Variants in RPA3 observed in about 807,000 individuals in gnomAD.
RPA3 encodes the protein replication protein A 14 kDa subunit.
RPA3 carries 24 observed loss-of-function variants against 13.7 expected under a neutral mutation model. The observed-to-expected ratio is 1.75, with a 90% CI of 1.27 to 2.46. The LOEUF (loss-of-function observed/expected upper bound fraction) is 2.46. Among genes scored for constraint, RPA3 ranks in the 30% most tolerant of loss-of-function variants. RPA3 has a pLI of 0.00. For missense variants in RPA3, 183 were observed against 151.0 expected (o/e 1.21, Z -1.11); for synonymous variants, 59 against 51.2 (o/e 1.15, Z -0.65).
intron 4 of RPA3, among the ~76,000 whole-genome samples, chr7:7,676,956 A>G (rs1022403639): frequency 1.3e-5 from 2 of 152,142 alleles, no homozygotes; most frequent in South Asian, 2.1e-4. Flanking sequence ...CTATACTGAC[A>G]TATATAATAT....
chr7:7,700,522 C>G (rs1359010224), intron 2 of RPA3, among the ~76,000 whole-genome samples: 1 of 152,042 alleles, frequency 6.6e-6, no homozygotes, highest in East Asian at 1.9e-4. Flanking sequence ...GCCATAAGTT[C>G]TAGACCATAC....
At chr7:7,674,920 CT>C (rs1431529443) in intron 4 of RPA3, among the ~76,000 whole-genome samples, 1 of 152,108 alleles carries the variant, frequency 6.6e-6, no homozygotes, top group Non-Finnish European at 1.5e-5. Context: ...GTTTTCCACT[CT>C]GTTATATATT....
At chr7:7,714,093 G>T (rs28912684) in intron 2 of RPA3, among the ~76,000 whole-genome samples, 1 of 152,276 alleles carries the variant, frequency 6.6e-6, no homozygotes, top group South Asian at 2.1e-4. Context: ...TTATCTTTTT[G>T]ATGAAGATTT....
At chr7:7,642,990 G>A (rs1785009430) in intron 4 of RPA3, among the ~76,000 whole-genome samples, 1 of 152,132 alleles carries the variant, frequency 6.6e-6, no homozygotes, top group Non-Finnish European at 1.5e-5. Flanking sequence ...ATTCATCTAT[G>A]TTGACGAATG....
intron 4 of RPA3, among the ~76,000 whole-genome samples, chr7:7,663,078 A>C (rs1281627861): frequency 6.6e-6 from 1 of 152,058 alleles, no homozygotes; most frequent in Non-Finnish European, 1.5e-5. Context: ...CAGGCACCCA[A>C]ATGCGAAAGT....
chr7:7,708,029 G>A (rs1780649210), intron 2 of RPA3, among the ~76,000 whole-genome samples: 1 of 152,160 alleles, frequency 6.6e-6, no homozygotes. Context: ...GGTACTGAAA[G>A]TAATTTGCTT....
chr7:7,661,988 C>G (rs1254423307), intron 4 of RPA3, among the ~76,000 whole-genome samples: 1 of 152,174 alleles, frequency 6.6e-6, no homozygotes, highest in South Asian at 2.1e-4. Context: ...TGCTGCCTTT[C>G]TTTCAGAGAT....
chr7:7,684,747 A>T (rs539762468), intron 4 of RPA3, among the ~76,000 whole-genome samples: 2 of 152,338 alleles, frequency 1.3e-5, no homozygotes, highest in African/African-American at 4.8e-5. Context: ...AAATTATTTG[A>T]CAGATTAACA....
chr7:7,645,246 G>T (rs1354881838), intron 4 of RPA3, among the ~76,000 whole-genome samples: 5 of 152,078 alleles, frequency 3.3e-5, no homozygotes, highest in Non-Finnish European at 5.9e-5. Flanking sequence ...AGAGCCTTCA[G>T]TACCATTTTG....
At chr7:7,680,974 TCCACATA>T (rs1203252367) in intron 4 of RPA3, among the ~76,000 whole-genome samples, 1 of 152,288 alleles carries the variant, frequency 6.6e-6, no homozygotes, top group East Asian at 1.9e-4. Flanking sequence ...TTAGCATATA[TCCACATA>T]ACTTTTTTTG....
chr7:7,702,048 A>G (rs1394494962), intron 2 of RPA3, among the ~76,000 whole-genome samples: 1 of 152,230 alleles, frequency 6.6e-6, no homozygotes, highest in Non-Finnish European at 1.5e-5. Context: ...GAGAAGGTAT[A>G]CAGAAATATA....
chr7:7,639,205 G>GAGT (rs1368098816), intron 5 of RPA3, 61 bp from the exon 6 acceptor site: 26 of 1,255,476 alleles, frequency 2.1e-5, no homozygotes, highest in South Asian at 1.3e-5. Context: ...GACTAAAGAT[G>GAGT]AGTACATTGA....
At chr7:7,689,120 T>G (rs1343435001) in intron 2 of RPA3, among the ~76,000 whole-genome samples, 1 of 152,142 alleles carries the variant, frequency 6.6e-6, no homozygotes, top group East Asian at 1.9e-4. Context: ...AGTGCTCATT[T>G]GCCTAAGCCA....
chr7:7,650,808 G>A (rs1785208061), intron 4 of RPA3, among the ~76,000 whole-genome samples: 1 of 152,140 alleles, frequency 6.6e-6, no homozygotes, highest in Non-Finnish European at 1.5e-5. Flanking sequence ...TCACTGTTAA[G>A]TCCAAACTCC....
In RPA3 at chr7:7,637,010, T is replaced by G. The variant is rs749355782; in HGVS notation, c.356A>C (p.Gln119Pro). The change falls in exon 8 of 8, where the codon CAA becomes CCA. Residue 119 changes from glutamine to proline, a missense_variant. Transcript: ENST00000223129. ...FPQFYPLGIVQHD is the reference protein window; with the variant it reads ...FPQFYPLGIVPHD The stretch of plus-strand genomic sequence containing the variant: ...GAAAATCCATCAAGATCAATCATGT[T>G]GCACAATCCCTAAAGGATAAAACTG... 4 of 1,609,208 alleles carry G rather than the reference T, an allele frequency of 2.5e-6. No homozygotes were observed. The highest frequency in any genetic ancestry group is 2.6e-6 in the Non-Finnish European group (3 of 1,176,284).
intron 4 of RPA3, among the ~76,000 whole-genome samples, chr7:7,643,061 TC>T (rs910291889): frequency 9.2e-5 from 14 of 152,110 alleles, no homozygotes; most frequent in Non-Finnish European, 1.2e-4. Flanking sequence ...TAGTGGGCTC[TC>T]CCCCAACCCA....
chr7:7,646,976 G>A (rs968975302), intron 4 of RPA3, among the ~76,000 whole-genome samples: 23 of 152,110 alleles, frequency 1.5e-4, no homozygotes, highest in Non-Finnish European at 3.1e-4. Flanking sequence ...TGGAGCCCTC[G>A]CCAGGGACCC....
chr7:7,704,530 C>T (rs954287837), intron 2 of RPA3, among the ~76,000 whole-genome samples: 4 of 144,364 alleles, frequency 2.8e-5, no homozygotes, highest in South Asian at 2.2e-4. Flanking sequence ...CCGAGGTGGG[C>T]GGATCACAAA....
chr7:7,670,752 G>C (rs1240562231), intron 4 of RPA3, among the ~76,000 whole-genome samples: 1 of 152,108 alleles, frequency 6.6e-6, no homozygotes, highest in Non-Finnish European at 1.5e-5. Flanking sequence ...TTACACCCTG[G>C]TGGAACTGGT....
Sources: allele counts gnomAD v4.1 joint callset (sites outside exome capture counted in the v4.1 genomes callset), GRCh38; gene constraint gnomAD v4.1.1; transcripts MANE v1.5; gene names NCBI Gene and HGNC (gene_info 2026-07-23, HGNC 2026-07-21).